Variants in CARMIL1 observed in about 807,000 individuals in gnomAD.
CARMIL1 encodes the protein F-actin-uncapping protein LRRC16A.
A neutral mutation model predicts 177.1 loss-of-function variants in CARMIL1; 90 were observed. That is an observed-to-expected ratio of 0.51 (90% CI 0.43 to 0.61). The LOEUF (loss-of-function observed/expected upper bound fraction) is 0.61. Ranked by LOEUF, CARMIL1 falls within the 20% of genes least tolerant of loss-of-function variation. The pLI, the probability that CARMIL1 is intolerant of heterozygous loss-of-function variation, is 0.00. For missense variants in CARMIL1, 1,380 were observed against 1,667.0 expected, an observed-to-expected ratio of 0.83 and a Z score of 3.00; for synonymous variants, 577 against 606.2, an observed-to-expected ratio of 0.95 and a Z score of 0.71.
chr6:25,352,150 A>G (rs1298114154), intron 2 of CARMIL1, among the ~76,000 whole-genome samples: 1 of 38,250 alleles, frequency 2.6e-5, no homozygotes, highest in Non-Finnish European at 4.9e-5. Flanking sequence ...TATTGGATAC[A>G]GTAAAAAAAA....
intron 11 of CARMIL1, among the ~76,000 whole-genome samples, chr6:25,479,883 T>G (rs1801929269): frequency 6.6e-6 from 1 of 152,146 alleles, no homozygotes; most frequent in Admixed American, 6.5e-5. Flanking sequence ...TTTTTAAAAT[T>G]CCCACTGTGA....
chr6:25,450,972 T>TCC (rs1562155314), intron 8 of CARMIL1, among the ~76,000 whole-genome samples: 64 of 3,450 alleles, frequency 0.019, 5 homozygotes, highest in East Asian at 0.11. Context: ...CTCTCTTCTC[T>TCC]TCTCCTCTCC....
At chr6:25,430,456 G>T (rs531034890) in intron 4 of CARMIL1, among the ~76,000 whole-genome samples, 1 of 149,192 alleles carries the variant, frequency 6.7e-6, no homozygotes, top group African/African-American at 2.5e-5. Flanking sequence ...TCCAGACAGG[G>T]TCTCGCACTG....
At chr6:25,281,136 G>GCGCGCACACACACACACACACACA (rs10642536) in intron 1 of CARMIL1, among the ~76,000 whole-genome samples, 3 of 132,102 alleles carry the variant, frequency 2.3e-5, no homozygotes, top group South Asian at 2.7e-4. Context: ...GTGCGCGCGC[G>GCGCGCACACACACACACACACACA]CACACACACA....
chr6:25,446,486 C>G (rs77858265), intron 5 of CARMIL1, among the ~76,000 whole-genome samples: 1,714 of 152,296 alleles, frequency 0.011, 20 homozygotes, highest in African/African-American at 0.034. Context: ...TTCCTCCCCT[C>G]TCTCAGCCTT....
rs145813363 is a variant in CARMIL1 at position 25,619,595 on chromosome 6, G to T, written c.*12G>T. ...TTATTTTTGTGTAAAGGTCACCCAC[G>T]CAGAAGTCTTCCTGTGCAGGGTGCT... On this transcript the variant is annotated 3_prime_UTR_variant, in exon 37 of 37. Transcript: ENST00000329474. The T allele has an allele frequency of 6.3e-4, 1,011 of 1,611,978 alleles. 4 individuals carry two copies. In the African/African-American group the frequency reaches 0.013, roughly 20 times the overall value.
At chr6:25,476,418 T>C (rs6910405) in intron 11 of CARMIL1, among the ~76,000 whole-genome samples, 85,710 of 152,034 alleles carry the variant, frequency 0.56, 24,274 homozygotes, top group South Asian at 0.67. Context: ...CATTTCTGCC[T>C]CTTCTAAATT....
At chr6:25,468,196 A>AT (rs544092728) in intron 9 of CARMIL1, among the ~76,000 whole-genome samples, 185 of 141,818 alleles carry the variant, frequency 1.3e-3, no homozygotes, top group African/African-American at 2.7e-3. Flanking sequence ...TGAGTCAAGG[A>AT]TTTTTAAAAA....
intron 7 of CARMIL1, 42 bp downstream of exon 7, chr6:25,450,451 T>C: frequency 6.8e-7 from 1 of 1,480,738 alleles, no homozygotes; most frequent in Non-Finnish European, 9.4e-7. Flanking sequence ...CACACACTCC[T>C]GGAGAATATT....
At chr6:25,543,803 C>T (rs1809149936) in intron 26 of CARMIL1, among the ~76,000 whole-genome samples, 1 of 152,084 alleles carries the variant, frequency 6.6e-6, no homozygotes, top group Non-Finnish European at 1.5e-5. Context: ...GATTTCAGGG[C>T]ATTTTAGTGT....
chr6:25,340,148 TA>T (rs1166338805), intron 2 of CARMIL1, among the ~76,000 whole-genome samples: 1 of 152,106 alleles, frequency 6.6e-6, no homozygotes, highest in African/African-American at 2.4e-5. Context: ...TAAATAGAAC[TA>T]AAAGAGAAAT....
intron 2 of CARMIL1, among the ~76,000 whole-genome samples, chr6:25,347,860 T>A (rs2150348075): frequency 6.6e-6 from 1 of 152,372 alleles, no homozygotes; most frequent in Non-Finnish European, 1.5e-5. Flanking sequence ...TTTTACTTAT[T>A]CATTTGTCTT....
At chr6:25,570,327 C>T (rs1397687667) in intron 29 of CARMIL1, among the ~76,000 whole-genome samples, 2 of 152,196 alleles carry the variant, frequency 1.3e-5, no homozygotes, top group Non-Finnish European at 2.9e-5. Context: ...TAGTAATAAA[C>T]ATCATGCTTC....
At chr6:25,452,004 CAG>C in intron 8 of CARMIL1, 3 of 315,366 alleles carry the variant, frequency 9.5e-6, no homozygotes, top group South Asian at 3.0e-5. Context: ...CTCCCCCCCC[CAG>C]AATACTGTTT....
chr6:25,346,220 A>G (rs937173277), intron 2 of CARMIL1, among the ~76,000 whole-genome samples: 1 of 152,044 alleles, frequency 6.6e-6, no homozygotes, highest in Non-Finnish European at 1.5e-5. Flanking sequence ...CTAGCCCTCC[A>G]TTACCCTCTG....
In CARMIL1 at chr6:25,395,644, G is replaced by A. The variant is rs1305424742; in HGVS notation, c.139-24470G>A. ...TTTGTTATACATAAGTTACATTTTGGGACCTTCTTTAATGATTGCTCATAT... is the reference window on the plus strand; with the variant it reads ...TTTGTTATACATAAGTTACATTTTGAGACCTTCTTTAATGATTGCTCATAT... On this transcript the variant is annotated intron_variant, in intron 2 of 36. Coordinates refer to ENST00000329474, the MANE Select transcript of CARMIL1 (RefSeq NM_017640.6). Among the ~76,000 whole-genome samples the A allele has an allele frequency of 3.9e-5, 6 of 152,060 alleles. No homozygotes were observed. The East Asian group carries it at 1.2e-3, about 29-fold the overall frequency.
intron 2 of CARMIL1, among the ~76,000 whole-genome samples, chr6:25,319,369 ATAAT>A (rs1466879130): frequency 6.6e-6 from 1 of 152,024 alleles, no homozygotes; most frequent in Non-Finnish European, 1.5e-5. Context: ...TTTTAGGAAA[ATAAT>A]TTAGGTAAGG....
At chr6:25,583,399 CAG>C (rs201443814) in intron 31 of CARMIL1, among the ~76,000 whole-genome samples, 2,954 of 152,206 alleles carry the variant, frequency 0.019, 78 homozygotes, top group African/African-American at 0.061. Context: ...TCTCATCACA[CAG>C]AGTTTTCTCA....
intron 2 of CARMIL1, among the ~76,000 whole-genome samples, chr6:25,353,986 A>G (rs1474477632): frequency 6.6e-6 from 1 of 152,210 alleles, no homozygotes; most frequent in Non-Finnish European, 1.5e-5. Context: ...TGCTACTGGC[A>G]TCTATGGGGT....
Sources: gnomAD v4.1 joint callset for allele counts (sites outside exome capture counted in the v4.1 genomes callset) on GRCh38, gnomAD v4.1.1 for gene constraint, MANE v1.5 for transcripts, NCBI Gene and HGNC (gene_info 2026-07-23, HGNC 2026-07-21) for gene names.